The following ASIC2 variants were observed in gnomAD, a reference collection of about 807,000 sequenced individuals.
The protein encoded by ASIC2 is acid-sensing ion channel 2.
Under a neutral mutation model 57.3 loss-of-function variants are expected in ASIC2, and 25 were observed. The observed-to-expected ratio is 0.44, with a 90% CI of 0.32 to 0.61. The LOEUF (loss-of-function observed/expected upper bound fraction) is 0.61, where lower values mean the gene tolerates loss of function less well. ASIC2 is among the 20% of genes least tolerant of loss of function. The pLI is 0.06. For missense variants in ASIC2, 641 were observed against 738.1 expected (o/e 0.87, Z 1.52); for synonymous variants, 319 against 307.5 (o/e 1.04, Z -0.39).
chr17:33,740,028 GA>G (rs896167952), intron 1 of ASIC2, among the ~76,000 whole-genome samples: 3 of 151,348 alleles, frequency 2.0e-5, no homozygotes, highest in Non-Finnish European at 4.4e-5. Context: ...GAGAAAGAAA[GA>G]AAAAAAAGAA....
intron 1 of ASIC2, among the ~76,000 whole-genome samples, chr17:33,579,531 G>C (rs1597794795): frequency 6.6e-6 from 1 of 152,090 alleles, no homozygotes; most frequent in African/African-American, 2.4e-5. Context: ...TGGGTTCTCG[G>C]TCTCCCTGCC....
chr17:33,058,625 T>C (rs1005135415), intron 3 of ASIC2, among the ~76,000 whole-genome samples: 1 of 152,160 alleles, frequency 6.6e-6, no homozygotes, highest in Non-Finnish European at 1.5e-5. Flanking sequence ...CTGTCAGCTG[T>C]CCAGTAACCA....
At chr17:34,006,096 G>A (rs1906514931) in intron 1 of ASIC2, 1 of 152,236 alleles carries the variant, frequency 6.6e-6, no homozygotes, top group Non-Finnish European at 1.5e-5. Flanking sequence ...AATTTAAATT[G>A]TGAAACACGT....
chr17:33,172,035 T>C (rs1441740919), intron 1 of ASIC2, among the ~76,000 whole-genome samples: 1 of 152,210 alleles, frequency 6.6e-6, no homozygotes, highest in Non-Finnish European at 1.5e-5. Flanking sequence ...TTTTCACTCT[T>C]GTCTAATTAT....
intron 1 of ASIC2, among the ~76,000 whole-genome samples, chr17:33,285,156 C>A (rs536115014): frequency 6.6e-6 from 1 of 152,364 alleles, no homozygotes; most frequent in East Asian, 1.9e-4. Context: ...CTCCATTGGG[C>A]AGACATTTGA....
chr17:33,676,066 G>A (rs981821284), intron 1 of ASIC2, among the ~76,000 whole-genome samples: 2 of 152,094 alleles, frequency 1.3e-5, no homozygotes, highest in Non-Finnish European at 2.9e-5. Context: ...CTGATATGAC[G>A]ATCTATGATA....
chr17:33,243,995 A>G (rs1567796677), intron 1 of ASIC2, among the ~76,000 whole-genome samples: 2 of 152,128 alleles, frequency 1.3e-5, no homozygotes, highest in South Asian at 2.1e-4. Flanking sequence ...GATGAATTCA[A>G]TCTCCCAGAA....
intron 1 of ASIC2, among the ~76,000 whole-genome samples, chr17:33,595,053 C>G (rs947303945): frequency 2.6e-5 from 4 of 151,898 alleles, no homozygotes; most frequent in African/African-American, 9.7e-5. Flanking sequence ...GACGTTATCT[C>G]TACTAAAAAT....
intron 1 of ASIC2, among the ~76,000 whole-genome samples, chr17:33,468,690 A>C (rs936034229): frequency 7.4e-5 from 11 of 147,984 alleles, no homozygotes; most frequent in Non-Finnish European, 1.5e-4. Flanking sequence ...CCCACCCCCC[A>C]CACACATACA....
chr17:34,127,689 G>A (rs1037085981), intron 1 of ASIC2, among the ~76,000 whole-genome samples: 1 of 152,230 alleles, frequency 6.6e-6, no homozygotes, highest in Non-Finnish European at 1.5e-5. Context: ...TCCTGCTGCA[G>A]GACGGATGCA....
intron 1 of ASIC2, among the ~76,000 whole-genome samples, chr17:33,326,695 T>G (rs768554623): frequency 1.3e-5 from 2 of 152,336 alleles, no homozygotes; most frequent in Non-Finnish European, 1.5e-5. Context: ...ATGAACTTTT[T>G]CCCCAAAGGG....
chr17:33,137,749 A>G (rs2092371896), intron 1 of ASIC2, among the ~76,000 whole-genome samples: 1 of 152,228 alleles, frequency 6.6e-6, no homozygotes, highest in Admixed American at 6.5e-5. Context: ...GACAGCAGGA[A>G]TAGAGTACAT....
intron 1 of ASIC2, among the ~76,000 whole-genome samples, chr17:33,203,617 A>G (rs890608534): frequency 6.6e-6 from 1 of 151,746 alleles, no homozygotes; most frequent in African/African-American, 2.4e-5. Context: ...TGGGGGAATG[A>G]CCATCAGTGG....
intron 1 of ASIC2, among the ~76,000 whole-genome samples, chr17:34,101,412 T>C (rs8081138): frequency 0.18 from 26,962 of 152,116 alleles, 2,989 homozygotes; most frequent in African/African-American, 0.31. Flanking sequence ...TTTTTCTGCT[T>C]ACCACTTCGT....
chr17:33,111,772 A>G (rs2092259043), intron 2 of ASIC2, 145 bp downstream of exon 2: 3 of 1,197,982 alleles, frequency 2.5e-6, no homozygotes, highest in South Asian at 1.8e-5. Flanking sequence ...AGCCAGGGAC[A>G]TCTTTATGAT....
chr17:33,826,537 G>A (rs558751180), intron 1 of ASIC2, among the ~76,000 whole-genome samples: 20 of 152,292 alleles, frequency 1.3e-4, no homozygotes, highest in Admixed American at 6.5e-4. Flanking sequence ...TGGCGATCAC[G>A]TAGCCCATTG....
chr17:33,106,262 C>A (rs905984177), intron 2 of ASIC2, among the ~76,000 whole-genome samples: 3 of 152,122 alleles, frequency 2.0e-5, no homozygotes, highest in East Asian at 1.9e-4. Flanking sequence ...GGGTCCAAAT[C>A]TTTACCCCGA....
rs777443357 is a variant in ASIC2 at position 33,677,850 on chromosome 17, C to T, written c.555+478128G>A. The stretch of plus-strand genomic sequence containing the variant: ...GTGAAGATACTGTGAATACTATTGA[C>T]GTAACAAAGGATTGAGCATATTACA... On this transcript the variant is annotated intron_variant, in intron 1 of 9. Transcript: ENST00000359872. 5.9e-5 allele frequency among the ~76,000 whole-genome samples: 9 copies of T among 152,110 alleles called. 1 individual carries two copies. The South Asian group carries it at 6.2e-4, about 11-fold the overall frequency.
At chr17:33,087,186 T>C (rs1196119939) in intron 3 of ASIC2, among the ~76,000 whole-genome samples, 1 of 152,228 alleles carries the variant, frequency 6.6e-6, no homozygotes, top group East Asian at 1.9e-4. Flanking sequence ...CTTTACTGGA[T>C]AATCCTTGTT....
Sources: allele counts gnomAD v4.1 joint callset (sites outside exome capture counted in the v4.1 genomes callset), GRCh38; gene constraint gnomAD v4.1.1; transcripts MANE v1.5; gene names NCBI Gene and HGNC (gene_info 2026-07-23, HGNC 2026-07-21).